LRP1B: variants seen among roughly 807,000 people sequenced by gnomAD.
The protein encoded by LRP1B is LDL receptor related protein 1B.
A neutral mutation model predicts 556.6 loss-of-function variants in LRP1B; 217 were observed. The ratio of observed to expected loss-of-function variants is 0.39; its 90% confidence interval spans 0.35 to 0.44. The LOEUF is 0.44. Ranked by LOEUF, LRP1B falls within the 20% of genes least tolerant of loss-of-function variation. The probability of loss-of-function intolerance (pLI) is 1.00; values close to 1 mark genes in which losing one functional copy is unlikely to be tolerated. For synonymous variants in LRP1B, 2,047 were observed against 1,865.8 expected, an observed-to-expected ratio of 1.10 and a Z score of -2.50; for missense variants, 5,053 against 5,620.8, an observed-to-expected ratio of 0.90 and a Z score of 3.23.
chr2:140,603,335 G>T (rs1403599367), intron 41 of LRP1B, among the ~76,000 whole-genome samples: 1 of 152,056 alleles, frequency 6.6e-6, no homozygotes. Flanking sequence ...AAGAAAAGTT[G>T]ATCATGGTTA....
intron 32 of LRP1B, among the ~76,000 whole-genome samples, chr2:140,803,271 T>G (rs1191216927): frequency 3.0e-5 from 4 of 132,022 alleles, no homozygotes; most frequent in African/African-American, 1.2e-4. Context: ...TTTTTTTTTT[T>G]TTTTTTTTTT....
intron 2 of LRP1B, among the ~76,000 whole-genome samples, chr2:141,552,894 G>A (rs1035017207): frequency 6.6e-5 from 10 of 151,972 alleles, no homozygotes; most frequent in African/African-American, 2.4e-4. Flanking sequence ...GAACATATAA[G>A]AATACTTGGA....
chr2:140,779,753 AGAGTGTGT>A (rs1245144992), intron 32 of LRP1B, among the ~76,000 whole-genome samples: 60 of 134,002 alleles, frequency 4.5e-4, no homozygotes, highest in Non-Finnish European at 6.6e-4. Flanking sequence ...TCTCTGTGAG[AGAGTGTGT>A]GTGTGTGTGT....
chr2:141,702,712 GA>G (rs911761022), intron 2 of LRP1B, among the ~76,000 whole-genome samples: 1 of 151,424 alleles, frequency 6.6e-6, no homozygotes, highest in South Asian at 2.1e-4. Flanking sequence ...ATGGATTATT[GA>G]AAAAAAAGTC....
chr2:141,241,754 C>T (rs889829037), intron 5 of LRP1B, among the ~76,000 whole-genome samples: 5 of 152,136 alleles, frequency 3.3e-5, no homozygotes, highest in African/African-American at 1.2e-4. Flanking sequence ...TTCCTAATTT[C>T]ATGCACGCAT....
At chr2:141,001,648 G>C (rs920317643) in intron 15 of LRP1B, among the ~76,000 whole-genome samples, 4 of 152,028 alleles carry the variant, frequency 2.6e-5, no homozygotes, top group Non-Finnish European at 4.4e-5. Context: ...CTGCGGCACA[G>C]ACTATAAGGT....
chr2:141,742,666 A>C (rs1693755589), intron 2 of LRP1B, among the ~76,000 whole-genome samples: 3 of 151,892 alleles, frequency 2.0e-5, no homozygotes, highest in Admixed American at 1.3e-4. Flanking sequence ...TGTCATTGGT[A>C]TTTTGCTGGG....
chr2:141,394,225 G>T lies in LRP1B; in HGVS notation c.343+86171C>A, dbSNP rs940203516. On this transcript the variant is annotated intron_variant, in intron 3 of 90. Coordinates refer to ENST00000389484, the MANE Select transcript of LRP1B (RefSeq NM_018557.3). ...AAAGTTCAATTTTTACTTTAAAATT[G>T]CATCCAGTAAAACTTTTAAAAACAC... 4.6e-5 allele frequency among the ~76,000 whole-genome samples: 7 copies of T among 152,102 alleles called. No homozygotes were observed. In the East Asian group the frequency reaches 1.4e-3, roughly 29 times the overall value.
chr2:140,945,749 A>G (rs1342159016), intron 20 of LRP1B, among the ~76,000 whole-genome samples: 1 of 152,208 alleles, frequency 6.6e-6, no homozygotes, highest in Non-Finnish European at 1.5e-5. Context: ...ACTTTAAACT[A>G]TAAAAATCCT....
intron 7 of LRP1B, 104 bp from the exon 8 acceptor site, chr2:141,062,377 T>A: frequency 3.0e-6 from 2 of 669,634 alleles, no homozygotes; most frequent in Non-Finnish European, 5.1e-6. Flanking sequence ...TTTATTTCAG[T>A]GATTACATCT....
chr2:141,497,852 C>T (rs1265211215), intron 2 of LRP1B, among the ~76,000 whole-genome samples: 1 of 151,714 alleles, frequency 6.6e-6, no homozygotes. Flanking sequence ...TGACTTTTAA[C>T]TTTTATGAAA....
intron 6 of LRP1B, among the ~76,000 whole-genome samples, chr2:141,210,098 T>C (rs1682477006): frequency 6.6e-6 from 1 of 151,204 alleles, no homozygotes; most frequent in Admixed American, 6.6e-5. Context: ...AGAATCTTAA[T>C]CAAAAACTGA....
In LRP1B at chr2:140,231,850, C is replaced by T. The variant is rs1327192368; in HGVS notation, c.*1336G>A. On this transcript the variant is annotated 3_prime_UTR_variant, in exon 91 of 91. Transcript: ENST00000389484. ...TCTATCAGAGGAACAAAAAGCCCTC[C>T]AAAACTTGTGAATAAATCTTTTGTG... 1.3e-5 allele frequency: 2 copies of T among 151,642 alleles called. No individual in the cohort carries two copies. The highest frequency in any genetic ancestry group is 3.0e-5 in the Non-Finnish European group (2 of 67,538). The allele number at this position is 151,642 out of a possible 1,614,324, so 9.4% of individuals were successfully genotyped here.
chr2:141,559,943 A>G (rs1381431056), intron 2 of LRP1B, among the ~76,000 whole-genome samples: 1 of 151,724 alleles, frequency 6.6e-6, no homozygotes, highest in African/African-American at 2.4e-5. Flanking sequence ...TGCATCCAAA[A>G]AAACAGAAAC....
chr2:140,378,731 T>C (rs1233795914), intron 67 of LRP1B, among the ~76,000 whole-genome samples: 1 of 152,184 alleles, frequency 6.6e-6, no homozygotes, highest in Non-Finnish European at 1.5e-5. Flanking sequence ...GTATTTGACT[T>C]TATATTATGT....
At chr2:140,510,208 C>T in intron 51 of LRP1B, 152 bp from the exon 52 acceptor site, 2 of 747,786 alleles carry the variant, frequency 2.7e-6, no homozygotes, top group South Asian at 3.8e-5. Context: ...CATCATTCTT[C>T]CCCTGTAGTT....
At chr2:140,946,091 A>G (rs1695539029) in intron 20 of LRP1B, among the ~76,000 whole-genome samples, 1 of 152,214 alleles carries the variant, frequency 6.6e-6, no homozygotes, top group African/African-American at 2.4e-5. Flanking sequence ...AGTGGCCAGG[A>G]AACATATGAA....
At chr2:141,433,613 C>A (rs548390068) in intron 3 of LRP1B, among the ~76,000 whole-genome samples, 90 of 152,112 alleles carry the variant, frequency 5.9e-4, no homozygotes, top group African/African-American at 2.1e-3. Flanking sequence ...ATCTAATGGT[C>A]TCTATTCTAA....
At chr2:140,902,674 GATA>G (rs1251437544) in intron 23 of LRP1B, among the ~76,000 whole-genome samples, 4 of 152,142 alleles carry the variant, frequency 2.6e-5, no homozygotes, top group African/African-American at 9.7e-5. Flanking sequence ...TCCGGGATAT[GATA>G]ATAAAATCAA....
Sources: allele counts gnomAD v4.1 joint callset (sites outside exome capture counted in the v4.1 genomes callset), GRCh38; gene constraint gnomAD v4.1.1; transcripts MANE v1.5; gene names NCBI Gene and HGNC (gene_info 2026-07-23, HGNC 2026-07-21).